Variants in LRMDA observed in about 807,000 individuals in gnomAD.
The protein encoded by LRMDA is leucine rich melanocyte differentiation associated.
In LRMDA, 18 loss-of-function variants were observed where a neutral mutation model predicts 29.8. The observed-to-expected ratio is 0.60, with a 90% CI of 0.42 to 0.90. LRMDA has a LOEUF of 0.90. Among genes scored for constraint, LRMDA ranks in the 40% least tolerant of loss-of-function variants. The pLI is 0.00. For synonymous variants in LRMDA, 125 were observed against 109.4 expected (o/e 1.14, Z -0.89); for missense variants, 273 against 273.9 (o/e 1.00, Z 0.02).
chr10:75,522,271 AAGTTTCATTTGGG>A (rs1845370653), intron 2 of LRMDA, among the ~76,000 whole-genome samples: 1 of 152,160 alleles, frequency 6.6e-6, no homozygotes, highest in African/African-American at 2.4e-5. Context: ...TGTGGCTAGT[AAGTTTCATTTGGG>A]AGTCTGAGGC....
At chr10:76,089,237 G>T (rs987709931) in intron 5 of LRMDA, among the ~76,000 whole-genome samples, 1 of 152,168 alleles carries the variant, frequency 6.6e-6, no homozygotes, top group Non-Finnish European at 1.5e-5. Context: ...AGTTCCTACA[G>T]CTGGTAAATG....
At chr10:75,932,619 A>G (rs929401836) in intron 2 of LRMDA, among the ~76,000 whole-genome samples, 11 of 152,040 alleles carry the variant, frequency 7.2e-5, no homozygotes, top group African/African-American at 2.7e-4. Flanking sequence ...CTCAAACAAA[A>G]CAAACCAAAA....
At chr10:76,148,095 A>G (rs1292832026) in intron 5 of LRMDA, among the ~76,000 whole-genome samples, 1 of 152,068 alleles carries the variant, frequency 6.6e-6, no homozygotes, top group Non-Finnish European at 1.5e-5. Context: ...GTCTGCCCCT[A>G]CTGGGGGGTG....
intron 2 of LRMDA, among the ~76,000 whole-genome samples, chr10:75,874,444 G>A (rs558273908): frequency 5.0e-4 from 76 of 152,280 alleles, no homozygotes; most frequent in Non-Finnish European, 8.7e-4. Context: ...GGGCAGAATT[G>A]TTACAGAAAT....
At chr10:76,239,244 C>T (rs951940061) in intron 5 of LRMDA, among the ~76,000 whole-genome samples, 1 of 152,104 alleles carries the variant, frequency 6.6e-6, no homozygotes, top group Non-Finnish European at 1.5e-5. Flanking sequence ...TGGTCCTTCT[C>T]CCCCAATCCT....
intron 2 of LRMDA, among the ~76,000 whole-genome samples, chr10:75,929,399 G>A (rs1271814652): frequency 2.0e-5 from 3 of 152,108 alleles, no homozygotes; most frequent in African/African-American, 7.2e-5. Flanking sequence ...TGTATGCACA[G>A]CCATACCATC....
intron 4 of LRMDA, among the ~76,000 whole-genome samples, chr10:76,057,935 C>A: frequency 6.6e-6 from 1 of 152,126 alleles, no homozygotes; most frequent in Non-Finnish European, 1.5e-5. Flanking sequence ...TCCATATATA[C>A]CTATTTGAGG....
intron 2 of LRMDA, among the ~76,000 whole-genome samples, chr10:75,804,850 C>G (rs1240080301): frequency 1.3e-5 from 2 of 152,158 alleles, no homozygotes; most frequent in African/African-American, 4.8e-5. Flanking sequence ...GGCCATTTTC[C>G]CTGTGCATGA....
In LRMDA at chr10:76,502,574, C is replaced by T. The variant is rs1041217900; in HGVS notation, c.602-54635C>T. On this transcript the variant is annotated intron_variant, in intron 6 of 6. Coordinates refer to ENST00000611255, the MANE Select transcript of LRMDA (RefSeq NM_001305581.2). ...GTTCTCCTTGTGGAGATATTTCACC[C>T]TCTTGGTTAGCTGTGTTCCTAAGTA... Among the ~76,000 whole-genome samples, 7 of 151,584 alleles carry T rather than the reference C, an allele frequency of 4.6e-5. No individual in the cohort carries two copies. The South Asian group carries it at 1.5e-3, about 31-fold the overall frequency.
At chr10:76,527,288 T>C (rs1163780907) in intron 6 of LRMDA, among the ~76,000 whole-genome samples, 1 of 152,174 alleles carries the variant, frequency 6.6e-6, no homozygotes, top group African/African-American at 2.4e-5. Flanking sequence ...TGCACTACCA[T>C]GTGCCAGCTT....
chr10:75,639,466 G>A (rs1348731285), intron 2 of LRMDA, among the ~76,000 whole-genome samples: 2 of 152,166 alleles, frequency 1.3e-5, no homozygotes, highest in African/African-American at 4.8e-5. Flanking sequence ...TGGAAGACAG[G>A]TAGGCTTCAT....
At chr10:76,509,050 A>G (rs1842984744) in intron 6 of LRMDA, among the ~76,000 whole-genome samples, 3 of 152,174 alleles carry the variant, frequency 2.0e-5, no homozygotes, top group Non-Finnish European at 2.9e-5. Context: ...GAAAGGACAC[A>G]TCGGAAATTG....
intron 5 of LRMDA, among the ~76,000 whole-genome samples, chr10:76,169,406 T>C (rs528852672): frequency 1.8e-4 from 27 of 152,324 alleles, no homozygotes; most frequent in African/African-American, 6.5e-4. Flanking sequence ...GGCAGTGCCT[T>C]TTCCTGCTGC....
rs1016343342 is a variant in LRMDA, at chr10:75,497,617, C to A, written c.131+59123C>A. The stretch of plus-strand genomic sequence containing the variant: ...TCCCTTCCTAGCTAATTCCTGCTCC[C>A]TCCCCTCCATAGGCAATTGCTCTTT... On this transcript the variant is annotated intron_variant, in intron 2 of 6. Coordinates refer to ENST00000611255, the MANE Select transcript of LRMDA (RefSeq NM_001305581.2). 1.1e-4 allele frequency among the ~76,000 whole-genome samples: 17 copies of A among 151,616 alleles called. 1 individual carries two copies. Among genetic ancestry groups the A allele is most frequent in the African/African-American group, 3.9e-4 (16 of 41,280 alleles).
intron 2 of LRMDA, among the ~76,000 whole-genome samples, chr10:75,853,792 TA>T (rs957765460): frequency 6.6e-6 from 1 of 152,184 alleles, no homozygotes; most frequent in African/African-American, 2.4e-5. Flanking sequence ...GAGGACATCT[TA>T]ATCCTCTGGA....
intron 2 of LRMDA, among the ~76,000 whole-genome samples, chr10:75,767,566 CG>C (rs148849595): frequency 0.028 from 4,296 of 152,144 alleles, 179 homozygotes; most frequent in African/African-American, 0.09. Context: ...TTAGTGCTGT[CG>C]GTGAAGACTG....
intron 5 of LRMDA, among the ~76,000 whole-genome samples, chr10:76,120,736 G>A (rs370320767): frequency 6.6e-6 from 1 of 152,020 alleles, no homozygotes; most frequent in East Asian, 1.9e-4. Context: ...CCAAGGACTT[G>A]AATCAAGACC....
intron 2 of LRMDA, among the ~76,000 whole-genome samples, chr10:75,921,621 C>T (rs1012096156): frequency 2.0e-5 from 3 of 152,184 alleles, no homozygotes; most frequent in Non-Finnish European, 4.4e-5. Context: ...TGTGTGCATG[C>T]ATGTGTGCAT....
chr10:76,060,627 C>G (rs534509004), intron 5 of LRMDA, among the ~76,000 whole-genome samples: 1 of 152,188 alleles, frequency 6.6e-6, no homozygotes, highest in Non-Finnish European at 1.5e-5. Context: ...CATATTTACC[C>G]TGTGGATCTC....
Sources: allele counts gnomAD v4.1 joint callset (sites outside exome capture counted in the v4.1 genomes callset), GRCh38; gene constraint gnomAD v4.1.1; transcripts MANE v1.5; gene names NCBI Gene and HGNC (gene_info 2026-07-23, HGNC 2026-07-21).